The following RASA1 variants were observed in gnomAD, a reference collection of about 807,000 sequenced individuals.
RASA1 encodes the protein ras GTPase-activating protein 1.
A neutral mutation model predicts 132.2 loss-of-function variants in RASA1; 25 were observed. The observed-to-expected ratio is 0.19, with a 90% CI of 0.14 to 0.26. The LOEUF (loss-of-function observed/expected upper bound fraction) is 0.26. Ranked by LOEUF, RASA1 falls within the 10% of genes least tolerant of loss-of-function variation. The pLI is 1.00. For synonymous variants in RASA1, 477 were observed against 449.9 expected (o/e 1.06, Z -0.76); for missense variants, 964 against 1,299.2 (o/e 0.74, Z 3.97).
chr5:87,331,303 G>A, intron 1 of RASA1, 45 bp from the exon 2 acceptor site: 1 of 1,536,708 alleles, frequency 6.5e-7, no homozygotes, highest in Non-Finnish European at 9.0e-7. Context: ...TAGAAATTCT[G>A]CACTTGCTAT....
chr5:87,368,630 C>T (rs1206850095), intron 11 of RASA1, among the ~76,000 whole-genome samples: 1 of 152,144 alleles, frequency 6.6e-6, no homozygotes, highest in African/African-American at 2.4e-5. Context: ...AAGGCACAGC[C>T]CTTCAGGGGT....
chr5:87,384,197 C>T (rs1336354997), intron 21 of RASA1, among the ~76,000 whole-genome samples: 3 of 152,098 alleles, frequency 2.0e-5, no homozygotes, highest in East Asian at 3.9e-4. Context: ...TCTGTGAGTA[C>T]TTATGAAGAA....
At chr5:87,341,149 C>T (rs1398165570) in intron 5 of RASA1, 141 bp from the exon 6 acceptor site, 18 of 465,624 alleles carry the variant, frequency 3.9e-5, no homozygotes, top group African/African-American at 6.1e-5. Flanking sequence ...AAGATATTTA[C>T]TGAACAGAAA....
chr5:87,363,664 TATACATAA>T (rs1760283477), intron 11 of RASA1, among the ~76,000 whole-genome samples, 160 bp downstream of exon 11: 1 of 152,140 alleles, frequency 6.6e-6, no homozygotes, highest in African/African-American at 2.4e-5. Flanking sequence ...TAGACTAATA[TATACATAA>T]AGTCTACTTC....
chr5:87,328,190 A>T (rs561632273), intron 1 of RASA1, among the ~76,000 whole-genome samples: 1 of 152,302 alleles, frequency 6.6e-6, no homozygotes, highest in East Asian at 1.9e-4. Flanking sequence ...CACAAATGTG[A>T]GCAGATTGAT....
chr5:87,382,004 T>A (rs1761750586), intron 20 of RASA1, among the ~76,000 whole-genome samples: 1 of 152,116 alleles, frequency 6.6e-6, no homozygotes, highest in Non-Finnish European at 1.5e-5. Context: ...CATGCTGGAG[T>A]GCAGTGGTGT....
In RASA1 at chr5:87,285,033, CATTTATTTATTTATTT is replaced by C. The variant is rs34217012; in HGVS notation, c.539+16080_539+16095del. Among the ~76,000 whole-genome samples the C allele has an allele frequency of 7.1e-3, 969 of 137,050 alleles. 5 individuals are homozygous for C. Among genetic ancestry groups the C allele is most frequent in the African/African-American group, 0.015 (563 of 36,668 alleles). 89.9% of individuals were successfully genotyped at this position (137,050 alleles called of 152,430 possible). Reference sequence around the variant, plus strand: ...TAAAGTGCTGCGGAGATAATGGTACCATTTATTTATTTATTTATTTATTTATTTATTTATTTATTTA... The same window carrying C: ...TAAAGTGCTGCGGAGATAATGGTACCATTTATTTATTTATTTATTTATTTA... On this transcript the variant is annotated intron_variant, in intron 1 of 24. Transcript: ENST00000274376.
chr5:87,325,800 T>G (rs1439550216), intron 1 of RASA1, among the ~76,000 whole-genome samples: 6 of 152,234 alleles, frequency 3.9e-5, no homozygotes, highest in Non-Finnish European at 1.5e-5. Flanking sequence ...TCAAGTTAGT[T>G]GTAAATAATT....
intron 1 of RASA1, among the ~76,000 whole-genome samples, chr5:87,299,398 A>G (rs1755261297): frequency 6.6e-6 from 1 of 152,192 alleles, no homozygotes; most frequent in Non-Finnish European, 1.5e-5. Flanking sequence ...TAAGTTCCTC[A>G]TGATTGTTTC....
intron 1 of RASA1, among the ~76,000 whole-genome samples, chr5:87,279,196 T>C (rs1754205323): frequency 6.6e-6 from 1 of 152,236 alleles, no homozygotes; most frequent in Non-Finnish European, 1.5e-5. Context: ...TGAGTTATGA[T>C]TGTGCCATTG....
intron 1 of RASA1, among the ~76,000 whole-genome samples, chr5:87,300,481 C>T (rs948064659): frequency 1.3e-5 from 2 of 151,920 alleles, no homozygotes; most frequent in Admixed American, 6.6e-5. Context: ...CCTTAACAAC[C>T]TAACAAGACC....
chr5:87,390,692 T>G, intron 24 of RASA1, 108 bp from the exon 25 acceptor site: 1 of 851,872 alleles, frequency 1.2e-6, no homozygotes, highest in South Asian at 1.4e-5. Context: ...TGTGGTAATA[T>G]TTTATGCATC....
At position 87,374,164 on chromosome 5, in the gene RASA1, T is replaced by C; in HGVS notation, c.1778T>C (p.Val593Ala). 6.8e-7 allele frequency: 1 copy of C among 1,472,170 alleles called. No homozygotes were observed. 91.2% of individuals were successfully genotyped at this position (1,472,170 alleles called of 1,614,324 possible). A position where few individuals can be genotyped will look rare whatever the true frequency, so the allele number is the denominator to read the frequency against. The change falls in exon 14 of 25, where the codon GTC (valine) becomes GCC (alanine). Residue 593 changes from valine to alanine, a missense_variant and splice_region_variant. By Grantham distance (64) the Val-to-Ala change is moderately conservative. Transcript: ENST00000274376. ...ATATATATATTTTTTTTTTTTTAGG[T>C]CAGCAGCCTTGTTTTACATATTGAA... The part of the protein sequence containing the change: ...PGTSNKRLRQ[V>A]SSLVLHIEEA...
At chr5:87,363,268 T>G (rs1271545919) in intron 10 of RASA1, 80 bp from the exon 11 acceptor site, 2 of 1,288,942 alleles carry the variant, frequency 1.6e-6, no homozygotes, top group African/African-American at 3.0e-5. Flanking sequence ...TGATTCATAT[T>G]TTTAGAAACA....
chr5:87,348,230 C>G (rs1759002689), intron 7 of RASA1, among the ~76,000 whole-genome samples: 1 of 151,622 alleles, frequency 6.6e-6, no homozygotes, highest in Admixed American at 6.6e-5. Flanking sequence ...TTATTTTTTT[C>G]TTTTTACTGA....
chr5:87,340,625 T>A (rs1472234820), intron 5 of RASA1, among the ~76,000 whole-genome samples: 1 of 152,114 alleles, frequency 6.6e-6, no homozygotes, highest in Non-Finnish European at 1.5e-5. Flanking sequence ...GTTCAAAACA[T>A]AGTAAAAGGG....
chr5:87,333,207 CT>C (rs1757722314), intron 3 of RASA1, 59 bp from the exon 4 acceptor site: 1 of 1,590,408 alleles, frequency 6.3e-7, no homozygotes, highest in East Asian at 2.3e-5. Flanking sequence ...GGATATACCT[CT>C]TTTGACTTTA....
intron 21 of RASA1, among the ~76,000 whole-genome samples, 194 bp from the exon 22 acceptor site, chr5:87,385,102 CTCTTT>C: frequency 6.6e-6 from 1 of 152,164 alleles, no homozygotes; most frequent in Admixed American, 6.5e-5. Flanking sequence ...TTCACTTTTT[CTCTTT>C]TAATTCAAGT....
intron 1 of RASA1, chr5:87,318,965 C>G (rs1238728662): frequency 6.6e-6 from 1 of 152,286 alleles, no homozygotes; most frequent in Non-Finnish European, 1.5e-5. Context: ...GGTAAATGTT[C>G]CTGTTGCAAA....
Sources: allele counts gnomAD v4.1 joint callset (sites outside exome capture counted in the v4.1 genomes callset), GRCh38; gene constraint gnomAD v4.1.1; transcripts MANE v1.5; gene names NCBI Gene and HGNC (gene_info 2026-07-23, HGNC 2026-07-21).